The following SGCD variants were observed in gnomAD, a reference collection of about 807,000 sequenced individuals.
SGCD encodes the protein delta-sarcoglycan.
In SGCD, 18 loss-of-function variants were observed where a neutral mutation model predicts 36.6. That is an observed-to-expected ratio of 0.49 (90% CI 0.34 to 0.73). The LOEUF is 0.73. Among genes scored for constraint, SGCD ranks in the 30% least tolerant of loss-of-function variants. SGCD has a pLI of 0.01. For synonymous variants in SGCD, 133 were observed against 130.6 expected, an observed-to-expected ratio of 1.02 and a Z score of -0.12; for missense variants, 387 against 346.7, an observed-to-expected ratio of 1.12 and a Z score of -0.92.
rs983467732 is a variant in SGCD at position 156,285,405 on chromosome 5, G to A, written c.-43-44129G>A. On this transcript the variant is annotated intron_variant, in intron 3 of 9. Coordinates refer to the SGCD transcript ENST00000517913. The stretch of plus-strand genomic sequence containing the variant: ...AAAAGAACAAAGCTGGAGGCATCAT[G>A]CTACCTGACTTCAAACAATACTACA... Among the ~76,000 whole-genome samples, 4 of 152,124 alleles carry A rather than the reference G, an allele frequency of 2.6e-5. No individual in the cohort carries two copies. In the South Asian group the frequency reaches 6.2e-4, roughly 24 times the overall value.
At chr5:156,755,944 G>T (rs2113167269) in intron 7 of SGCD, among the ~76,000 whole-genome samples, 1 of 152,288 alleles carries the variant, frequency 6.6e-6, no homozygotes, top group South Asian at 2.1e-4. Context: ...GTGCAATGTG[G>T]CTGGGGGTTG....
the SGCD span, among the ~76,000 whole-genome samples, chr5:155,744,005 C>A: frequency 1.3e-5 from 2 of 152,140 alleles, no homozygotes; most frequent in Non-Finnish European, 2.9e-5. Context: ...TGGAGGAAAG[C>A]ATTTCCTGTT....
chr5:156,585,226 A>T (rs953178446), intron 4 of SGCD, among the ~76,000 whole-genome samples: 8 of 152,182 alleles, frequency 5.3e-5, no homozygotes, highest in African/African-American at 1.9e-4. Flanking sequence ...ATTTCAAAAC[A>T]ATAGAAATCT....
intron 3 of SGCD, among the ~76,000 whole-genome samples, chr5:156,430,985 G>C (rs1012427673): frequency 6.6e-6 from 1 of 152,170 alleles, no homozygotes; most frequent in African/African-American, 2.4e-5. Context: ...TCCCTGGGTA[G>C]GGACTGGTTG....
At chr5:156,197,599 G>A (rs988872995) in intron 3 of SGCD, among the ~76,000 whole-genome samples, 7 of 150,964 alleles carry the variant, frequency 4.6e-5, no homozygotes, top group African/African-American at 1.7e-4. Flanking sequence ...AGCCAAGCAA[G>A]AGGATGAAGC....
the SGCD span, among the ~76,000 whole-genome samples, chr5:155,752,689 T>G: frequency 6.6e-6 from 1 of 152,190 alleles, no homozygotes; most frequent in African/African-American, 2.4e-5. Context: ...AGTATTTATC[T>G]TATAGAATAA....
chr5:156,676,166 G>T (rs1232123128), intron 7 of SGCD, among the ~76,000 whole-genome samples: 2 of 152,018 alleles, frequency 1.3e-5, no homozygotes, highest in East Asian at 1.9e-4. Context: ...CCATTAAGTT[G>T]TGCCCCCTTA....
At chr5:156,640,836 A>G (rs1421145013) in intron 6 of SGCD, among the ~76,000 whole-genome samples, 1 of 152,196 alleles carries the variant, frequency 6.6e-6, no homozygotes, top group Non-Finnish European at 1.5e-5. Context: ...ATGACTACAG[A>G]TGTTTTGCAT....
At chr5:155,912,758 CTCTT>C (rs1244654948) in intron 1 of SGCD, among the ~76,000 whole-genome samples, 8 of 151,996 alleles carry the variant, frequency 5.3e-5, no homozygotes, top group Admixed American at 3.9e-4. Flanking sequence ...TCCTTCTCTT[CTCTT>C]TCTTTCTTTC....
chr5:155,793,969 A>AG, the SGCD span, among the ~76,000 whole-genome samples: 57 of 151,196 alleles, frequency 3.8e-4, 1 homozygote, highest in African/African-American at 9.8e-4. Context: ...AAAAAAAAAA[A>AG]AGAGAGAGAA....
At chr5:156,587,241 G>A (rs1760533405) in intron 4 of SGCD, among the ~76,000 whole-genome samples, 1 of 152,152 alleles carries the variant, frequency 6.6e-6, no homozygotes, top group Non-Finnish European at 1.5e-5. Flanking sequence ...TCTCCCCTCA[G>A]GATTCCAGCC....
intron 7 of SGCD, among the ~76,000 whole-genome samples, chr5:156,668,293 T>C (rs899887451): frequency 2.0e-5 from 3 of 152,222 alleles, no homozygotes; most frequent in Non-Finnish European, 4.4e-5. Context: ...TATGTAGCTT[T>C]TCTCCTTTTC....
At chr5:156,337,645 G>T (rs1176837718) in intron 2 of SGCD, among the ~76,000 whole-genome samples, 1 of 152,026 alleles carries the variant, frequency 6.6e-6, no homozygotes, top group Non-Finnish European at 1.5e-5. Context: ...CTCTATTACA[G>T]GTACCTCTTC....
At chr5:155,994,945 G>C (rs1758509308) in intron 1 of SGCD, among the ~76,000 whole-genome samples, 1 of 152,168 alleles carries the variant, frequency 6.6e-6, no homozygotes, top group East Asian at 1.9e-4. Flanking sequence ...GCTTAGCAAA[G>C]GCCACGCAAC....
intron 7 of SGCD, among the ~76,000 whole-genome samples, chr5:156,700,499 A>C (rs1218390655): frequency 6.6e-6 from 1 of 152,162 alleles, no homozygotes; most frequent in Admixed American, 6.6e-5. Flanking sequence ...GTTCCTCTCT[A>C]AAACATCTTC....
rs577990216 is a variant in SGCD, at chr5:156,491,980, T to C, written c.193-16621T>C. 4.6e-5 allele frequency among the ~76,000 whole-genome samples: 7 copies of C among 152,162 alleles called. No individual in the cohort carries two copies. In the South Asian group the frequency reaches 1.5e-3, roughly 32 times the overall value. On this transcript the variant is annotated intron_variant, in intron 3 of 8. Transcript: ENST00000337851. Reference sequence around the variant, plus strand: ...ATACTGTTCTATAATTGGGTTTCCCTGTCATCAGAAGTAGAGGTGACTGTC... The same window carrying C: ...ATACTGTTCTATAATTGGGTTTCCCCGTCATCAGAAGTAGAGGTGACTGTC...
chr5:156,671,011 CTA>C (rs1753266407), intron 7 of SGCD, among the ~76,000 whole-genome samples: 1 of 151,992 alleles, frequency 6.6e-6, no homozygotes, highest in Admixed American at 6.6e-5. Flanking sequence ...ATTCCTTCCA[CTA>C]AGCATGTAAT....
chr5:155,970,786 A>T (rs1757992918), intron 1 of SGCD, among the ~76,000 whole-genome samples: 2 of 152,188 alleles, frequency 1.3e-5, no homozygotes, highest in South Asian at 4.1e-4. Flanking sequence ...CATTTTACAG[A>T]TAGTAAATTG....
chr5:155,990,328 G>A (rs1758406519), intron 1 of SGCD, among the ~76,000 whole-genome samples: 1 of 152,146 alleles, frequency 6.6e-6, no homozygotes, highest in Non-Finnish European at 1.5e-5. Flanking sequence ...GGCAGCCATA[G>A]AATTTCTGAA....
Sources: gnomAD v4.1 joint callset for allele counts (sites outside exome capture counted in the v4.1 genomes callset) on GRCh38, gnomAD v4.1.1 for gene constraint, MANE v1.5 for transcripts, NCBI Gene and HGNC (gene_info 2026-07-23, HGNC 2026-07-21) for gene names.